The following GRIN2B variants were observed in gnomAD, a reference collection of about 807,000 sequenced individuals.
GRIN2B encodes the protein glutamate receptor ionotropic, NMDA 2B.
A neutral mutation model predicts 114.5 loss-of-function variants in GRIN2B; 5 were observed. That is an observed-to-expected ratio of 0.04 (90% CI 0.02 to 0.09). The LOEUF is 0.09. Ranked by LOEUF, GRIN2B falls within the 10% of genes least tolerant of loss-of-function variation. GRIN2B has a pLI of 1.00. For missense variants in GRIN2B, 1,108 were observed against 1,943.5 expected, an observed-to-expected ratio of 0.57 and a Z score of 8.08; for synonymous variants, 787 against 745.1, an observed-to-expected ratio of 1.06 and a Z score of -0.92.
Position 13,554,449 on chromosome 12 carries a change from AG to A in GRIN2B, c.*8333del, listed in dbSNP as rs1190198091. The A allele has an allele frequency of 6.6e-6, 1 of 152,170 alleles. No individual in the cohort carries two copies. Among genetic ancestry groups the A allele is most frequent in the Non-Finnish European group, 1.5e-5 (1 of 68,014 alleles). 9.4% of individuals were successfully genotyped at this position (152,170 alleles called of 1,614,324 possible). On this transcript the variant is annotated 3_prime_UTR_variant, in exon 14 of 14. Transcript: ENST00000609686. ...ATAGGAAGGAGAGTATTTTGGACAA[AG>A]GGAACAGTTTAAGGGAAGACGCAAG...
At chr12:13,884,797 T>C (rs1866128191) in intron 2 of GRIN2B, among the ~76,000 whole-genome samples, 1 of 152,198 alleles carries the variant, frequency 6.6e-6, no homozygotes. Context: ...ATTTTTTAAA[T>C]CATGAATATG....
intron 3 of GRIN2B, among the ~76,000 whole-genome samples, chr12:13,825,496 T>TTTTTGTGTGTGTG (rs375940899): frequency 1.6e-5 from 2 of 122,970 alleles, no homozygotes; most frequent in African/African-American, 3.1e-5. Context: ...TATATATATT[T>TTTTTGTGTGTGTG]TGTGTGTGTG....
intron 10 of GRIN2B, among the ~76,000 whole-genome samples, chr12:13,605,552 G>GACACAC (rs66916614): frequency 0.29 from 37,945 of 129,400 alleles, 5,884 homozygotes; most frequent in East Asian, 0.53. Context: ...CTCTCTCTCT[G>GACACAC]ACACACACAC....
intron 4 of GRIN2B, among the ~76,000 whole-genome samples, chr12:13,691,099 G>A (rs374885103): frequency 1.2e-3 from 189 of 152,094 alleles, no homozygotes; most frequent in African/African-American, 4.3e-3. Flanking sequence ...CACATGGTTA[G>A]GTGCACATAA....
chr12:13,690,956 G>A (rs1409982126), intron 4 of GRIN2B, among the ~76,000 whole-genome samples: 2 of 152,158 alleles, frequency 1.3e-5, no homozygotes, highest in Non-Finnish European at 2.9e-5. Context: ...ACATTGAGAT[G>A]AGGAGGTCTT....
At chr12:13,656,437 G>A (rs750724302) in intron 5 of GRIN2B, among the ~76,000 whole-genome samples, 2 of 152,314 alleles carry the variant, frequency 1.3e-5, no homozygotes, top group South Asian at 2.1e-4. Context: ...AGCCTGACTC[G>A]AATCACCAAC....
rs974043370 is a variant in GRIN2B, at chr12:13,765,102, C to A, written c.412-11187G>T. Among the ~76,000 whole-genome samples, 24 of 152,228 alleles carry A rather than the reference C, an allele frequency of 1.6e-4. 1 individual carries two copies. Among genetic ancestry groups the A allele is most frequent in the Non-Finnish European group, 1.5e-5 (1 of 68,048 alleles). ...TGCTAACAAAACAAAATGGGGGCAA[C>A]CTTATGGCTCAGCAATGACATTTTG... On this transcript the variant is annotated intron_variant, in intron 3 of 13. Coordinates refer to ENST00000609686, the MANE Select transcript of GRIN2B (RefSeq NM_000834.5).
At chr12:13,814,832 G>A (rs1418858677) in intron 3 of GRIN2B, among the ~76,000 whole-genome samples, 1 of 152,168 alleles carries the variant, frequency 6.6e-6, no homozygotes, top group Non-Finnish European at 1.5e-5. Flanking sequence ...CATTTGGCTA[G>A]TGGCTACTGT....
chr12:13,952,605 T>A (rs961579333), intron 2 of GRIN2B, among the ~76,000 whole-genome samples: 5 of 152,176 alleles, frequency 3.3e-5, no homozygotes, highest in African/African-American at 1.2e-4. Context: ...CGTCTTTCTT[T>A]TTCATAGATT....
At chr12:13,684,734 T>TG (rs1345224651) in intron 4 of GRIN2B, among the ~76,000 whole-genome samples, 6 of 152,168 alleles carry the variant, frequency 3.9e-5, no homozygotes, top group African/African-American at 1.4e-4. Context: ...AGAGATTAGG[T>TG]GTTCAGTATG....
intron 3 of GRIN2B, among the ~76,000 whole-genome samples, chr12:13,765,363 A>T (rs1863761990): frequency 6.6e-6 from 1 of 152,196 alleles, no homozygotes; most frequent in Non-Finnish European, 1.5e-5. Context: ...TTCTTCAGTT[A>T]CCTAAGCCGG....
At chr12:13,595,099 T>C (rs1434619388) in intron 10 of GRIN2B, among the ~76,000 whole-genome samples, 1 of 152,160 alleles carries the variant, frequency 6.6e-6, no homozygotes, top group Non-Finnish European at 1.5e-5. Flanking sequence ...TGGGGCAAGG[T>C]AACAGGGTGA....
rs1948605733 is a variant in GRIN2B at position 13,564,349 on chromosome 12, G to T, written c.2889C>A (p.Ile963=). 1 of 1,614,234 alleles carries T rather than the reference G, an allele frequency of 6.2e-7. No individual in the cohort carries two copies. Among genetic ancestry groups the T allele is most frequent in the Admixed American group, 1.7e-5 (1 of 60,032 alleles). The stretch of plus-strand genomic sequence containing the variant: ...TCCCGAACGTTCTCTCTACCTCACT[G>T]ATGTAGTCACTGAAGAGGTTCTCCT... ...PCEENLFSDY[I]SEVERTFGNL... The change falls in exon 14 of 14, where the codon ATC becomes ATA. Residue 963 remains isoleucine, a synonymous_variant. Coordinates refer to ENST00000609686, the MANE Select transcript of GRIN2B (RefSeq NM_000834.5). The surrounding 1 kb of genome is among the most constrained non-coding windows in gnomAD (Gnocchi z 4.8).
chr12:13,829,060 G>C (rs1319341130), intron 3 of GRIN2B, among the ~76,000 whole-genome samples: 1 of 151,884 alleles, frequency 6.6e-6, no homozygotes, highest in East Asian at 1.9e-4. Context: ...CCCTTCCTAG[G>C]GTAATTCTAC....
rs1353014804 is a variant in GRIN2B at position 13,563,683 on chromosome 12, G to T, written c.3555C>A (p.Asp1185Glu). The T allele has an allele frequency of 6.2e-7, 1 of 1,613,416 alleles. No individual in the cohort carries two copies. Among genetic ancestry groups the T allele is most frequent in the Non-Finnish European group, 8.5e-7 (1 of 1,179,994 alleles). ...NRSHIKHGTG[D>E]KHGVVSGVPA... ...GTACCCCGCTGACCACGCCGTGTTT[G>T]TCGCCCGTCCCGTGCTTGATGTGAG... The change falls in exon 14 of 14, where the codon GAC (aspartate) becomes GAA (glutamate). Residue 1185 changes from aspartate to glutamate, a missense_variant. Physicochemically the swap from Asp to Glu is conservative, Grantham distance 45. Around this residue, in one of 19 missense-constraint regions of GRIN2B, gnomAD observed 478 missense variants for 506.0 expected, o/e 0.94. Transcript: ENST00000609686.
At chr12:13,842,917 C>CTT (rs201344138) in intron 3 of GRIN2B, among the ~76,000 whole-genome samples, 40 of 103,196 alleles carry the variant, frequency 3.9e-4, no homozygotes, top group African/African-American at 5.3e-4. Flanking sequence ...ATTGGTTTTT[C>CTT]TTTTTTTTTT....
chr12:13,643,839 A>G (rs1949740610), intron 5 of GRIN2B, among the ~76,000 whole-genome samples: 2 of 152,140 alleles, frequency 1.3e-5, no homozygotes, highest in Non-Finnish European at 2.9e-5. Context: ...TCAACTCCTC[A>G]TTTCCTCAAG....
At position 13,594,385 on chromosome 12, in the gene GRIN2B, G is replaced by T. The variant is rs553933679; in HGVS notation, c.2010+14218C>A. On this transcript the variant is annotated intron_variant, in intron 10 of 13. Coordinates refer to ENST00000609686, the MANE Select transcript of GRIN2B (RefSeq NM_000834.5). ...TCATGTCCTTTGCAGGGACATGGAA[G>T]AAGCTGGAAACCATCATTCGCAGCA... 2.0e-5 allele frequency among the ~76,000 whole-genome samples: 3 copies of T among 152,242 alleles called. No homozygotes were observed. In the East Asian group the frequency reaches 5.8e-4, roughly 29 times the overall value.
chr12:13,803,403 G>A (rs1293577277), intron 3 of GRIN2B, among the ~76,000 whole-genome samples: 2 of 152,118 alleles, frequency 1.3e-5, no homozygotes, highest in Non-Finnish European at 2.9e-5. Context: ...GTGCATGCAA[G>A]ATCTGCTATT....
Sources: allele counts gnomAD v4.1 joint callset (sites outside exome capture counted in the v4.1 genomes callset), GRCh38; gene constraint gnomAD v4.1.1; regional missense constraint gnomAD v4.1.1; non-coding constraint Gnocchi (gnomAD v3.1); transcripts MANE v1.5; gene names NCBI Gene and HGNC (gene_info 2026-07-23, HGNC 2026-07-21).